Variants in PCDH15 observed in about 807,000 individuals in gnomAD.
The protein encoded by PCDH15 is protocadherin-15.
A neutral mutation model predicts 178.5 loss-of-function variants in PCDH15; 129 were observed. The ratio of observed to expected loss-of-function variants is 0.72; its 90% CI spans 0.63 to 0.84. The LOEUF (loss-of-function observed/expected upper bound fraction) is 0.84. Ranked by LOEUF, PCDH15 falls within the 40% of genes least tolerant of loss-of-function variation. The probability of loss-of-function intolerance (pLI) is 0.00; values close to 1 mark genes in which losing one functional copy is unlikely to be tolerated. For synonymous variants in PCDH15, 800 were observed against 732.0 expected (o/e 1.09, Z -1.50); for missense variants, 2,230 against 2,099.9 (o/e 1.06, Z -1.21).
chr10:55,455,928 C>T (rs148662774), intron 2 of PCDH15, among the ~76,000 whole-genome samples: 1 of 151,998 alleles, frequency 6.6e-6, no homozygotes, highest in Non-Finnish European at 1.5e-5. Context: ...CTTCTTACAC[C>T]GAGTTCCTAC....
intron 20 of PCDH15, among the ~76,000 whole-genome samples, chr10:53,999,105 A>G (rs2134971090): frequency 6.6e-6 from 1 of 151,984 alleles, no homozygotes; most frequent in Middle Eastern, 3.5e-3. Flanking sequence ...AGTCCTTACC[A>G]TACTAAAGCT....
chr10:55,528,212 T>TTTG (rs201261409), intron 2 of PCDH15, among the ~76,000 whole-genome samples: 2,921 of 151,720 alleles, frequency 0.019, 103 homozygotes, highest in African/African-American at 0.067. Context: ...AATTTTTTAT[T>TTTG]TTATTATTTA....
chr10:55,537,689 C>A (rs1261185491), intron 2 of PCDH15, among the ~76,000 whole-genome samples: 1 of 152,104 alleles, frequency 6.6e-6, no homozygotes, highest in Non-Finnish European at 1.5e-5. Context: ...CCCCGTCGGC[C>A]TGCCAAAGTG....
At chr10:55,218,118 A>C (rs1840760452) in intron 1 of PCDH15, among the ~76,000 whole-genome samples, 1 of 151,930 alleles carries the variant, frequency 6.6e-6, no homozygotes, top group South Asian at 2.1e-4. Flanking sequence ...CCTCACAATA[A>C]CCTTTTAAAA....
At chr10:55,393,023 G>GT (rs960644976) in intron 2 of PCDH15, among the ~76,000 whole-genome samples, 52 of 148,466 alleles carry the variant, frequency 3.5e-4, no homozygotes, top group African/African-American at 1.1e-3. Context: ...GTGTATTTTT[G>GT]TTTTTACTGA....
intron 2 of PCDH15, among the ~76,000 whole-genome samples, chr10:55,336,660 G>C (rs1351844845): frequency 3.3e-5 from 5 of 152,004 alleles, no homozygotes; most frequent in Non-Finnish European, 7.4e-5. Flanking sequence ...TGAATAAACA[G>C]GGCTTGCTAA....
chr10:55,005,554 C>A (rs983557964), intron 2 of PCDH15, among the ~76,000 whole-genome samples: 48 of 152,008 alleles, frequency 3.2e-4, no homozygotes, highest in Non-Finnish European at 5.0e-4. Context: ...AAAGACTTAT[C>A]TTTTATTATC....
intron 3 of PCDH15, among the ~76,000 whole-genome samples, chr10:54,849,622 T>C (rs1444336811): frequency 6.6e-6 from 1 of 152,196 alleles, no homozygotes; most frequent in Non-Finnish European, 1.5e-5. Flanking sequence ...ATTGTTATGA[T>C]GATGGGTGCA....
rs991969138 is a variant in PCDH15 at position 53,821,202 on chromosome 10, T to C, written c.4368-972A>G. ...CTGAAAAAGTATAAGATTTATCAAA[T>C]CCATAAGCATACTACTAAATCCATA... On this transcript the variant is annotated intron_variant, in intron 32 of 37. Transcript: ENST00000644397. The C allele has an allele frequency of 1.2e-5, 12 of 963,314 alleles. No individual in the cohort carries two copies. In the African/African-American group the frequency reaches 2.1e-4, roughly 16 times the overall value. 59.7% of individuals were successfully genotyped at this position (963,314 alleles called of 1,614,324 possible). A position where few individuals can be genotyped will look rare whatever the true frequency, so the allele number is the denominator to read the frequency against.
At chr10:55,559,004 G>T (rs1842142427) in intron 2 of PCDH15, among the ~76,000 whole-genome samples, 1 of 152,014 alleles carries the variant, frequency 6.6e-6, no homozygotes, top group Non-Finnish European at 1.5e-5. Context: ...CAGTTCTCTA[G>T]AAGTCTCCCT....
chr10:55,076,435 T>A (rs1357113140), intron 2 of PCDH15, among the ~76,000 whole-genome samples: 1 of 151,834 alleles, frequency 6.6e-6, no homozygotes, highest in African/African-American at 2.4e-5. Context: ...GCTGTGTTTT[T>A]TTTTTTTTAT....
At chr10:54,683,016 T>G (rs1259636138) in intron 1 of PCDH15, among the ~76,000 whole-genome samples, 1 of 152,130 alleles carries the variant, frequency 6.6e-6, no homozygotes, top group Non-Finnish European at 1.5e-5. Flanking sequence ...AATTTATACA[T>G]GCAGCCTCTG....
intron 5 of PCDH15, among the ~76,000 whole-genome samples, chr10:54,356,180 G>A (rs1198576478): frequency 6.6e-6 from 1 of 152,004 alleles, no homozygotes; most frequent in Non-Finnish European, 1.5e-5. Flanking sequence ...CAGATACATT[G>A]TGTGTCTTTT....
intron 3 of PCDH15, among the ~76,000 whole-genome samples, chr10:54,875,428 C>A (rs1954123050): frequency 6.6e-6 from 1 of 152,096 alleles, no homozygotes; most frequent in Non-Finnish European, 1.5e-5. Flanking sequence ...TCAAGTATCT[C>A]ACTTTAATTT....
At chr10:53,963,899 T>C (rs1167833047) in intron 21 of PCDH15, among the ~76,000 whole-genome samples, 1 of 152,172 alleles carries the variant, frequency 6.6e-6, no homozygotes, top group African/African-American at 2.4e-5. Context: ...TGACTCCTGC[T>C]TAAACCCTTC....
In PCDH15 at chr10:53,814,689, G is replaced by T. The variant is rs372173260; in HGVS notation, c.4491+1550C>A. ...AAAAAAAATTTGAGGAAAGAGCCCG[G>T]GTGCGGTGGCTCACGCCTGTACTCC... On this transcript the variant is annotated intron_variant, in intron 35 of 37. Transcript: ENST00000644397. 2.2e-4 allele frequency among the ~76,000 whole-genome samples: 33 copies of T among 152,246 alleles called. No homozygotes were observed. The East Asian group carries it at 2.3e-3, about 11-fold the overall frequency.
intron 2 of PCDH15, among the ~76,000 whole-genome samples, chr10:54,557,524 A>T (rs574984221): frequency 6.6e-6 from 1 of 152,310 alleles, no homozygotes; most frequent in East Asian, 1.9e-4. Context: ...AATTCTGAAT[A>T]GTTTTCTCCT....
At chr10:55,256,604 TGCCC>T (rs1842005321) in intron 1 of PCDH15, among the ~76,000 whole-genome samples, 2 of 152,162 alleles carry the variant, frequency 1.3e-5, no homozygotes, top group Middle Eastern at 3.2e-3. Context: ...GAGGGTCCCA[TGCCC>T]ATGAAGCCTC....
At chr10:54,563,567 G>A in intron 2 of PCDH15, among the ~76,000 whole-genome samples, 1 of 152,144 alleles carries the variant, frequency 6.6e-6, no homozygotes, top group Non-Finnish European at 1.5e-5. Context: ...ATTAACTGAA[G>A]AGTAAAGACA....
Sources: allele counts gnomAD v4.1 joint callset (sites outside exome capture counted in the v4.1 genomes callset), GRCh38; gene constraint gnomAD v4.1.1; transcripts MANE v1.5; gene names NCBI Gene and HGNC (gene_info 2026-07-23, HGNC 2026-07-21).